RFX6: variants seen among roughly 807,000 people sequenced by gnomAD.
RFX6 encodes regulatory factor X6.
A neutral mutation model predicts 110.8 loss-of-function variants in RFX6; 50 were observed. The ratio of observed to expected loss-of-function variants is 0.45; its 90% CI spans 0.36 to 0.57. The LOEUF is 0.57. Among genes scored for constraint, RFX6 ranks in the 20% least tolerant of loss-of-function variants. The pLI is 0.00. For synonymous variants in RFX6, 383 were observed against 411.2 expected, an observed-to-expected ratio of 0.93 and a Z score of 0.83; for missense variants, 990 against 1,127.0, an observed-to-expected ratio of 0.88 and a Z score of 1.74.
At chr6:116,884,409 G>A (rs1428879594) in intron 4 of RFX6, among the ~76,000 whole-genome samples, 1 of 152,040 alleles carries the variant, frequency 6.6e-6, no homozygotes, top group African/African-American at 2.4e-5. Flanking sequence ...TTAATTGATT[G>A]CAATTAATGT....
intron 4 of RFX6, among the ~76,000 whole-genome samples, chr6:116,888,649 A>G (rs977329807): frequency 2.0e-5 from 3 of 152,172 alleles, no homozygotes; most frequent in African/African-American, 7.2e-5. Flanking sequence ...AACCTACAGG[A>G]TAAGCATCAG....
intron 14 of RFX6, among the ~76,000 whole-genome samples, chr6:116,923,994 T>C (rs904691023): frequency 2.0e-5 from 3 of 152,228 alleles, no homozygotes; most frequent in Non-Finnish European, 4.4e-5. Context: ...TCAGTGAATT[T>C]GTATTGAAGA....
chr6:116,907,594 T>C (rs1308001778), intron 6 of RFX6, among the ~76,000 whole-genome samples: 1 of 152,138 alleles, frequency 6.6e-6, no homozygotes, highest in Admixed American at 6.5e-5. Flanking sequence ...GAAGGTACAT[T>C]GTATGACATC....
chr6:116,910,116 CT>C (rs1368683200), intron 6 of RFX6, among the ~76,000 whole-genome samples: 3 of 151,978 alleles, frequency 2.0e-5, no homozygotes, highest in African/African-American at 7.3e-5. Flanking sequence ...ACTTTATGTC[CT>C]TTATTATATT....
intron 10 of RFX6, 159 bp downstream of exon 10, chr6:116,918,245 T>C: frequency 1.7e-6 from 1 of 604,632 alleles, no homozygotes; most frequent in Non-Finnish European, 2.9e-6. Flanking sequence ...GTCTTATAGC[T>C]GGGCCTCAAT....
chr6:116,913,958 A>G (rs528025600), intron 7 of RFX6, among the ~76,000 whole-genome samples: 1 of 152,348 alleles, frequency 6.6e-6, no homozygotes, highest in African/African-American at 2.4e-5. Context: ...TCTTCTAGCT[A>G]CTTTGAATAT....
At chr6:116,930,928 T>C (rs643943) in intron 18 of RFX6, among the ~76,000 whole-genome samples, 36,910 of 151,946 alleles carry the variant, frequency 0.24, 4,867 homozygotes, top group South Asian at 0.42. Context: ...ATCATTCTGG[T>C]TGCTCTCGGG....
chr6:116,922,451 A>G (rs1207357995), intron 13 of RFX6, among the ~76,000 whole-genome samples: 3 of 152,228 alleles, frequency 2.0e-5, no homozygotes, highest in Non-Finnish European at 4.4e-5. Flanking sequence ...AGAGAAAGAT[A>G]AACTTAGAAA....
intron 4 of RFX6, among the ~76,000 whole-genome samples, chr6:116,889,273 T>C (rs1774768424): frequency 6.6e-6 from 1 of 152,202 alleles, no homozygotes; most frequent in Admixed American, 6.5e-5. Flanking sequence ...TTTGTTTTAT[T>C]GTTTTCTAAA....
intron 14 of RFX6, among the ~76,000 whole-genome samples, chr6:116,923,863 T>C (rs900142967): frequency 6.6e-6 from 1 of 152,210 alleles, no homozygotes; most frequent in Non-Finnish European, 1.5e-5. Flanking sequence ...ATAGTTATAA[T>C]GTTAACTCAT....
intron 6 of RFX6, among the ~76,000 whole-genome samples, chr6:116,904,923 C>T (rs949869775): frequency 3.3e-5 from 5 of 152,146 alleles, no homozygotes; most frequent in African/African-American, 1.2e-4. Context: ...ATTCATCTGT[C>T]GATGGACAAG....
intron 17 of RFX6, among the ~76,000 whole-genome samples, chr6:116,928,098 A>G (rs1482371316): frequency 1.3e-5 from 2 of 151,262 alleles, no homozygotes; most frequent in African/African-American, 4.9e-5. Context: ...AAAAAAAGAT[A>G]GTTAAATCAT....
rs1774479781 is a variant in RFX6, at chr6:116,877,335, G to A, written c.60G>A (p.Leu20=). 6.2e-7 allele frequency: 1 copy of A among 1,613,092 alleles called. No homozygotes were observed. The highest frequency in any genetic ancestry group is 8.5e-7 in the Non-Finnish European group (1 of 1,179,682). ...TFLQAQPAPQ[L]SPGIQEDCCV... is the part of the protein sequence containing the mutation. ...TGCAGGCGCAGCCTGCGCCCCAACT[G>A]TCCCCGGGGATCCAGGAAGACTGCT... The change falls in exon 1 of 19, where the codon CTG becomes CTA. Residue 20 remains leucine (L), a synonymous_variant. Coordinates refer to ENST00000332958, the MANE Select transcript of RFX6 (RefSeq NM_173560.4).
chr6:116,918,545 C>T (rs1291920700), intron 10 of RFX6, among the ~76,000 whole-genome samples: 8 of 146,672 alleles, frequency 5.5e-5, no homozygotes, highest in Non-Finnish European at 1.0e-4. Flanking sequence ...TGAAACAATA[C>T]CAGAAGATTT....
intron 17 of RFX6, 62 bp downstream of exon 17, chr6:116,927,601 T>C (rs900668224): frequency 8.1e-6 from 11 of 1,364,012 alleles, no homozygotes; most frequent in Non-Finnish European, 1.1e-5. Flanking sequence ...AAATCAGACA[T>C]TGCGTTCCAC....
intron 6 of RFX6, among the ~76,000 whole-genome samples, chr6:116,900,685 C>G (rs544484679): frequency 6.6e-6 from 1 of 151,656 alleles, no homozygotes; most frequent in East Asian, 1.9e-4. Context: ...AAAATGCAGA[C>G]AGAAAATTAT....
At chr6:116,888,229 A>G (rs1582512333) in intron 4 of RFX6, among the ~76,000 whole-genome samples, 1 of 152,332 alleles carries the variant, frequency 6.6e-6, no homozygotes, top group East Asian at 1.9e-4. Context: ...AAAAGAAGAA[A>G]TATAGATGCA....
chr6:116,913,673 G>C (rs1178189639), intron 7 of RFX6, among the ~76,000 whole-genome samples: 1 of 152,152 alleles, frequency 6.6e-6, no homozygotes, highest in Non-Finnish European at 1.5e-5. Flanking sequence ...TGCTAATTGT[G>C]AGTTTTAAAA....
chr6:116,896,707 CAA>C (rs5879392), intron 6 of RFX6, among the ~76,000 whole-genome samples: 4,076 of 149,358 alleles, frequency 0.027, 158 homozygotes, highest in African/African-American at 0.093. Context: ...GACCCTATCT[CAA>C]AAAAAAAAAA....
Sources: allele counts gnomAD v4.1 joint callset (sites outside exome capture counted in the v4.1 genomes callset), GRCh38; gene constraint gnomAD v4.1.1; transcripts MANE v1.5; gene names NCBI Gene and HGNC (gene_info 2026-07-23, HGNC 2026-07-21).